Variants in CRMP1 observed in about 807,000 individuals in gnomAD.
CRMP1 encodes the protein collapsin response mediator protein 1, also known as dihydropyrimidinase-related protein 1.
CRMP1 carries 19 observed loss-of-function variants against 68.3 expected under a neutral mutation model. The ratio of observed to expected loss-of-function variants is 0.28; its 90% CI spans 0.19 to 0.41. CRMP1 has a LOEUF of 0.41. Ranked by LOEUF, CRMP1 falls within the 10% of genes least tolerant of loss-of-function variation. The pLI is 1.00. For synonymous variants in CRMP1, 439 were observed against 399.6 expected, an observed-to-expected ratio of 1.10 and a Z score of -1.18; for missense variants, 791 against 967.4, an observed-to-expected ratio of 0.82 and a Z score of 2.42.
intron 11 of CRMP1, among the ~76,000 whole-genome samples, chr4:5,829,093 G>A (rs766554100): frequency 2.6e-5 from 4 of 152,106 alleles, no homozygotes; most frequent in African/African-American, 9.7e-5. Context: ...TTTAAAGCAC[G>A]TGTGCCATAT....
chr4:5,827,142 A>G (rs1191642032), intron 12 of CRMP1, among the ~76,000 whole-genome samples: 1 of 152,170 alleles, frequency 6.6e-6, no homozygotes, highest in Non-Finnish European at 1.5e-5. Context: ...GCTCCTGCAA[A>G]TTGCTGTCTT....
intron 13 of CRMP1, chr4:5,824,802 G>T (rs1379358629): frequency 9.1e-6 from 9 of 985,230 alleles, no homozygotes; most frequent in Admixed American, 6.2e-5. Flanking sequence ...AGAGTTTGCA[G>T]GACAAAATTC....
At chr4:5,833,159 C>CTTTTTTT (rs1160531301) in intron 11 of CRMP1, among the ~76,000 whole-genome samples, 2 of 84,636 alleles carry the variant, frequency 2.4e-5, no homozygotes, top group Non-Finnish European at 4.3e-5. Context: ...CCTTCCAGAA[C>CTTTTTTT]TTTTTTTTTT....
chr4:5,857,312 A>G (rs557017602), intron 3 of CRMP1, among the ~76,000 whole-genome samples: 4 of 151,070 alleles, frequency 2.6e-5, no homozygotes, highest in African/African-American at 4.9e-5. Flanking sequence ...TCCTATCACC[A>G]TCATCATCAT....
Position 5,888,452 on chromosome 4 carries a change from C to G in CRMP1, c.381+4137G>C, listed in dbSNP as rs1339718236. On this transcript the variant is annotated intron_variant, in intron 1 of 13. Transcript: ENST00000324989. The surrounding 1 kb of genome is among the most constrained non-coding windows in gnomAD (Gnocchi z 6.4). ...CCCGGCTGCTCGGCCCGCCCGCCGC[C>G]GCTCCGGCTGCCAGCACCGCCCGGA... The G allele has an allele frequency of 8.2e-7, 1 of 1,213,598 alleles. No individual in the cohort carries two copies. The highest frequency in any genetic ancestry group is 1.6e-5 in the African/African-American group (1 of 63,632). The allele number at this position is 1,213,598 out of a possible 1,614,324, so 75.2% of individuals were successfully genotyped here. A position where few individuals can be genotyped will look rare whatever the true frequency, so the allele number is the denominator to read the frequency against.
rs1313390721 is a variant in CRMP1, at chr4:5,843,100, G to A, written c.1025C>T (p.Pro342Leu). ...AAGTTGAGGAGTCCTTACCTCTTCA[G>A]GTCTGCTCAGGGCATGGCCCTCGGG... Reference protein sequence around the residue: ...TGPEGHALSRPEELEAEAVFR... With the variant: ...TGPEGHALSRLEELEAEAVFR... The change falls in exon 7 of 14, where the codon CCT (proline) becomes CTT (leucine). Residue 342 changes from proline to leucine, a missense_variant. By Grantham distance (98) the Pro-to-Leu change is moderately conservative. Transcript: ENST00000324989. This position sits in a 1 kb window ranked among gnomAD's most constrained non-coding sequence, Gnocchi z 4.1. 2 of 1,614,122 alleles carry A rather than the reference G, an allele frequency of 1.2e-6. No individual in the cohort carries two copies. The highest frequency in any genetic ancestry group is 8.5e-7 in the Non-Finnish European group (1 of 1,180,006).
chr4:5,863,862 C>T (rs1203642440), intron 2 of CRMP1, among the ~76,000 whole-genome samples: 1 of 152,142 alleles, frequency 6.6e-6, no homozygotes, highest in East Asian at 1.9e-4. Flanking sequence ...CCACACCTAC[C>T]CTTCTCAGCC....
chr4:5,880,793 G>T (rs924153590), intron 1 of CRMP1, among the ~76,000 whole-genome samples: 1 of 152,166 alleles, frequency 6.6e-6, no homozygotes, highest in African/African-American at 2.4e-5. Context: ...CACAGACAGT[G>T]CCTTGTTAAG....
chr4:5,878,498 T>C (rs1486913473), intron 1 of CRMP1, among the ~76,000 whole-genome samples: 1 of 152,154 alleles, frequency 6.6e-6, no homozygotes, highest in Non-Finnish European at 1.5e-5. Flanking sequence ...ATACATTACA[T>C]GCAGAGACCT....
At position 5,877,379 on chromosome 4, in the gene CRMP1, C is replaced by T. The variant is rs575722034; in HGVS notation, c.382-10623G>A. Among the ~76,000 whole-genome samples, 15 of 152,188 alleles carry T rather than the reference C, an allele frequency of 9.9e-5. No homozygotes were observed. The highest frequency in any genetic ancestry group is 3.6e-4 in the African/African-American group (15 of 41,454). ...CATAAGAGGTTTTATAGCTCAAATA[C>T]GTCAAACTTCCATGACTTGGTCCCT... On this transcript the variant is annotated intron_variant, in intron 1 of 13. Transcript: ENST00000324989. The surrounding 1 kb of genome is among the most constrained non-coding windows in gnomAD (Gnocchi z 4.3).
chr4:5,863,636 G>C lies in CRMP1; in HGVS notation c.471-2426C>G, dbSNP rs553435346. Among the ~76,000 whole-genome samples the C allele has an allele frequency of 5.0e-3, 768 of 152,138 alleles. 2 individuals are homozygous for C. Among genetic ancestry groups the C allele is most frequent in the Non-Finnish European group, 8.5e-3 (575 of 68,018 alleles). ...CCCTCCCCCAACACCATCACCTCCC[G>C]GTGCAGAAGAAACTCTCAACCACCG... is the stretch of plus-strand genomic sequence containing the variant. On this transcript the variant is annotated intron_variant, in intron 2 of 13. Transcript: ENST00000324989.
At chr4:5,827,813 A>G (rs1719923976) in intron 12 of CRMP1, among the ~76,000 whole-genome samples, 1 of 152,008 alleles carries the variant, frequency 6.6e-6, no homozygotes, top group Admixed American at 6.6e-5. Context: ...TGCCATGGGG[A>G]TGGGAGGGCC....
chr4:5,856,634 ATCAT>A (rs1713084727), intron 3 of CRMP1, among the ~76,000 whole-genome samples: 5 of 150,214 alleles, frequency 3.3e-5, no homozygotes, highest in Admixed American at 3.3e-4. Flanking sequence ...TATCATCATC[ATCAT>A]TATCAACCCA....
intron 6 of CRMP1, among the ~76,000 whole-genome samples, chr4:5,845,343 C>A (rs1410108493): frequency 6.6e-6 from 1 of 152,232 alleles, no homozygotes; most frequent in Admixed American, 6.5e-5. Context: ...GACCTGCTCA[C>A]CTACTGCTTT....
chr4:5,841,521 G>T lies in CRMP1; in HGVS notation c.1033-93C>A. ...TCCTTAATTGAATGTGATCAGAAGG[G>T]AAATCTGCTCCATTGAATGAGAAGG... On this transcript the variant is annotated intron_variant, in intron 7 of 13. Transcript: ENST00000324989. The surrounding 1 kb of genome is among the most constrained non-coding windows in gnomAD (Gnocchi z 6.9). 2 of 1,565,054 alleles carry T rather than the reference G, an allele frequency of 1.3e-6. No individual in the cohort carries two copies. Among genetic ancestry groups the T allele is most frequent in the Non-Finnish European group, 1.7e-6 (2 of 1,149,366 alleles).
chr4:5,859,777 C>G lies in CRMP1; in HGVS notation c.655+1249G>C, dbSNP rs918550240. On this transcript the variant is annotated intron_variant, in intron 3 of 13. Transcript: ENST00000324989. This position sits in a 1 kb window ranked among gnomAD's most constrained non-coding sequence, Gnocchi z 5.2. ...AAAGTCGAGCCCCACCCTCCTGGCT[C>G]AGGGACTTGGCAAACTCTGCCCATG... is the stretch of plus-strand genomic sequence containing the variant. Among the ~76,000 whole-genome samples, 4 of 152,112 alleles carry G rather than the reference C, an allele frequency of 2.6e-5. No homozygotes were observed. The highest frequency in any genetic ancestry group is 2.6e-4 in the Admixed American group (4 of 15,282).
rs1411843059 is a variant in CRMP1, at chr4:5,872,293, A to T, written c.382-5537T>A. Among the ~76,000 whole-genome samples, 3 of 143,002 alleles carry T rather than the reference A, an allele frequency of 2.1e-5. No homozygotes were observed. Among genetic ancestry groups the T allele is most frequent in the South Asian group, 2.3e-4 (1 of 4,366 alleles). 93.8% of individuals were successfully genotyped at this position (143,002 alleles called of 152,430 possible). On this transcript the variant is annotated intron_variant, in intron 1 of 13. Coordinates refer to ENST00000324989, the MANE Select transcript of CRMP1 (RefSeq NM_001014809.3). This position sits in a 1 kb window ranked among gnomAD's most constrained non-coding sequence, Gnocchi z 4.6. ...AATAACACCAAATTCACATATTTAT[A>T]AAAAAAAATAATACCGGTGCCGTCT...
At chr4:5,878,913 C>A (rs1369381185) in intron 1 of CRMP1, among the ~76,000 whole-genome samples, 1 of 151,966 alleles carries the variant, frequency 6.6e-6, no homozygotes, top group African/African-American at 2.4e-5. Context: ...TTTTTTAGAT[C>A]TTGTTGCATC....
Position 5,890,073 on chromosome 4 carries a change from C to T in CRMP1, c.381+2516G>A, listed in dbSNP as rs1448240326. The stretch of plus-strand genomic sequence containing the variant: ...CCTCCACGCATTCATGCATCCCTGG[C>T]TCTCAGCGGGGCCTAAAATCCCTGT... On this transcript the variant is annotated intron_variant, in intron 1 of 13. Coordinates refer to ENST00000324989, the MANE Select transcript of CRMP1 (RefSeq NM_001014809.3). This position sits in a 1 kb window ranked among gnomAD's most constrained non-coding sequence, Gnocchi z 5.5. 2.5e-6 allele frequency: 1 copy of T among 403,290 alleles called. No individual in the cohort carries two copies. Among genetic ancestry groups the T allele is most frequent in the African/African-American group, 2.1e-5 (1 of 48,036 alleles). The allele number at this position is 403,290 out of a possible 1,614,324, so 25.0% of individuals were successfully genotyped here.
Sources: gnomAD v4.1 joint callset for allele counts (sites outside exome capture counted in the v4.1 genomes callset) on GRCh38, gnomAD v4.1.1 for gene constraint, Gnocchi (gnomAD v3.1) non-coding constraint, MANE v1.5 for transcripts, NCBI Gene and HGNC (gene_info 2026-07-23, HGNC 2026-07-21) for gene names.